The following C7orf57 variants were observed in gnomAD, a reference collection of about 807,000 sequenced individuals.
C7orf57 encodes chromosome 7 open reading frame 57.
C7orf57 carries 33 observed loss-of-function variants against 39.0 expected under a neutral mutation model. The observed-to-expected ratio is 0.85, with a 90% CI of 0.64 to 1.13. C7orf57 has a LOEUF of 1.13. Ranked by LOEUF, C7orf57 falls within the 50% of genes most tolerant of loss-of-function variation. C7orf57 has a pLI of 0.00. For missense variants in C7orf57, 346 were observed against 362.3 expected (o/e 0.95, Z 0.37); for synonymous variants, 124 against 137.1 (o/e 0.90, Z 0.67).
intron 6 of C7orf57, among the ~76,000 whole-genome samples, chr7:48,052,068 A>G (rs1309945303): frequency 6.7e-6 from 1 of 149,384 alleles, no homozygotes; most frequent in Non-Finnish European, 1.5e-5. Context: ...CCGCCTCCCA[A>G]GTTCAAGCAA....
chr7:48,042,342 ACT>A (rs1007643928), intron 3 of C7orf57, among the ~76,000 whole-genome samples: 1 of 152,148 alleles, frequency 6.6e-6, no homozygotes, highest in Non-Finnish European at 1.5e-5. Flanking sequence ...AAGGGGACAA[ACT>A]CTGAATGTCT....
Position 48,043,492 on chromosome 7 carries a change from C to T in C7orf57, c.253C>T (p.His85Tyr), listed in dbSNP as rs770591435. The T allele has an allele frequency of 3.1e-6, 5 of 1,613,532 alleles. No homozygotes were observed. The highest frequency in any genetic ancestry group is 4.2e-6 in the Non-Finnish European group (5 of 1,179,676). Residue 85 changes from histidine to tyrosine, a missense_variant, in exon 4 of 9, where the codon CAC becomes TAC. Coordinates refer to ENST00000348904, the MANE Select transcript of C7orf57 (RefSeq NM_001100159.3). ...KQGGRPDLLK[H>Y]FAPGTRKGSP... ...TTTTCTCTTTTGAGATTTGTTGAAG[C>T]ACTTTGCCCCTGGAACCAGGAAAGG... is the stretch of plus-strand genomic sequence containing the variant.
intron 5 of C7orf57, among the ~76,000 whole-genome samples, chr7:48,046,904 T>G (rs1790734819): frequency 6.6e-6 from 1 of 152,250 alleles, no homozygotes; most frequent in African/African-American, 2.4e-5. Context: ...GCACTTCTTA[T>G]CAGGCCAATA....
chr7:48,047,387 C>T (rs758086145), intron 5 of C7orf57, among the ~76,000 whole-genome samples: 2 of 152,182 alleles, frequency 1.3e-5, no homozygotes, highest in African/African-American at 2.4e-5. Flanking sequence ...GAGTGAACAC[C>T]GTTGTCACCT....
chr7:48,038,852 GTA>G (rs1790463697), intron 2 of C7orf57, among the ~76,000 whole-genome samples: 1 of 152,148 alleles, frequency 6.6e-6, no homozygotes, highest in South Asian at 2.1e-4. Context: ...ATAACTCCAA[GTA>G]TGTGTGTGTA....
At chr7:48,046,263 G>T (rs905415783) in intron 4 of C7orf57, among the ~76,000 whole-genome samples, 197 bp from the exon 5 acceptor site, 2 of 151,308 alleles carry the variant, frequency 1.3e-5, no homozygotes. Flanking sequence ...AAGAGGAAGA[G>T]GAAAAGAGAG....
chr7:48,047,858 G>A (rs112754153), intron 5 of C7orf57, among the ~76,000 whole-genome samples: 2,173 of 152,030 alleles, frequency 0.014, 60 homozygotes, highest in African/African-American at 0.05. Context: ...GCATACTACC[G>A]TAGACACTCA....
intron 3 of C7orf57, among the ~76,000 whole-genome samples, chr7:48,042,561 A>G (rs1190821411): frequency 3.3e-5 from 5 of 152,158 alleles, no homozygotes; most frequent in Non-Finnish European, 1.5e-5. Flanking sequence ...AAAGAGAGAA[A>G]ACATAAAGCA....
chr7:48,051,821 T>TTC (rs1790927988), intron 6 of C7orf57, among the ~76,000 whole-genome samples: 1 of 13,208 alleles, frequency 7.6e-5, no homozygotes, highest in Non-Finnish European at 1.5e-4. Context: ...TCTCTTCTCT[T>TTC]TCTTTCTTTC....
At chr7:48,058,776 A>G (rs979935075) in intron 8 of C7orf57, among the ~76,000 whole-genome samples, 1 of 152,182 alleles carries the variant, frequency 6.6e-6, no homozygotes, top group African/African-American at 2.4e-5. Context: ...TAAGGGTTTT[A>G]TTATTCTGCA....
At position 48,052,863 on chromosome 7, in the gene C7orf57, C is replaced by A; in HGVS notation, c.769C>A (p.Pro257Thr). ...TCAGTCCCCACGAGACCTGGAAGGT[C>A]CCCAGGATGCAGCCAGGCTCCAGGA... is the stretch of plus-strand genomic sequence containing the variant. ...LSQSPRDLEG[P>T]QDAARLQDAE... is the part of the protein sequence containing the mutation. Residue 257 changes from proline (P) to threonine (T), a missense_variant, in exon 7 of 9, where the codon CCC becomes ACC. Transcript: ENST00000348904. 1 of 1,613,978 alleles carries A rather than the reference C, an allele frequency of 6.2e-7. No individual in the cohort carries two copies. Among genetic ancestry groups the A allele is most frequent in the Middle Eastern group, 1.7e-4 (1 of 6,060 alleles).
intron 6 of C7orf57, among the ~76,000 whole-genome samples, chr7:48,051,879 C>CTT: frequency 3.4e-5 from 3 of 87,900 alleles, no homozygotes; most frequent in Non-Finnish European, 7.0e-5. Flanking sequence ...TTCTCTTTCT[C>CTT]TTTCTTTCTT....
Position 48,049,926 on chromosome 7 carries a change from C to G in C7orf57, c.554C>G (p.Thr185Ser). The G allele has an allele frequency of 6.2e-7, 1 of 1,613,696 alleles. No homozygotes were observed. Among genetic ancestry groups the G allele is most frequent in the Non-Finnish European group, 8.5e-7 (1 of 1,179,700 alleles). ...IDSKYLSKAGTPLGPKNPAGS... is the reference protein window; with the variant it reads ...IDSKYLSKAGSPLGPKNPAGS... ...TCAAAGTATCTGAGCAAAGCAGGCA[C>G]CCCACTTGGCCCTAAGAATCCTGCA... The change falls in exon 6 of 9, where the codon ACC (threonine) becomes AGC (serine). Residue 185 changes from threonine to serine, a missense_variant. By Grantham distance (58) the Thr-to-Ser change is moderately conservative (BLOSUM62 1). Coordinates refer to ENST00000348904, the MANE Select transcript of C7orf57 (RefSeq NM_001100159.3).
intron 2 of C7orf57, 97 bp from the exon 3 acceptor site, chr7:48,041,236 AC>A: frequency 8.7e-7 from 1 of 1,147,134 alleles, no homozygotes; most frequent in Admixed American, 2.6e-5. Context: ...GCACTGCCCC[AC>A]CTGATGGTGT....
At chr7:48,058,790 T>C (rs927150353) in intron 8 of C7orf57, among the ~76,000 whole-genome samples, 1 of 152,224 alleles carries the variant, frequency 6.6e-6, no homozygotes, top group Admixed American at 6.5e-5. Flanking sequence ...TTCTGCATTG[T>C]CTTAAGAAGA....
In C7orf57 at chr7:48,046,609, A is replaced by G. The variant is rs1464719523; in HGVS notation, c.500A>G (p.Lys167Arg). 4.3e-6 allele frequency: 7 copies of G among 1,612,342 alleles called. No individual in the cohort carries two copies. The highest frequency in any genetic ancestry group is 5.9e-6 in the Non-Finnish European group (7 of 1,179,144). The change falls in exon 5 of 9, where the codon AAA (lysine) becomes AGA (arginine). Residue 167 changes from lysine to arginine, a missense_variant. Lys to Arg is a conservative substitution (Grantham distance 26). Transcript: ENST00000348904. Reference sequence around the variant, plus strand: ...GAGGCTGAGGAACTTGAAAAGGAGAAAAAAAAGGTGACGGGAGCCCATAAA... The same window carrying G: ...GAGGCTGAGGAACTTGAAAAGGAGAGAAAAAAGGTGACGGGAGCCCATAAA... ...QREAEELEKE[K>R]KKLRLPAIDS...
intron 4 of C7orf57, among the ~76,000 whole-genome samples, chr7:48,045,156 G>A (rs904233959): frequency 3.0e-4 from 46 of 152,210 alleles, no homozygotes; most frequent in African/African-American, 1.0e-3. Flanking sequence ...CCTCTGGACC[G>A]CAGACCACCT....
Position 48,052,871 on chromosome 7 carries a change from T to A in C7orf57, c.777T>A (p.Asp259Glu), listed in dbSNP as rs10236656. The A allele has an allele frequency of 6.2e-7, 1 of 1,613,956 alleles. No individual in the cohort carries two copies. The highest frequency in any genetic ancestry group is 8.5e-7 in the Non-Finnish European group (1 of 1,179,858). The change falls in exon 7 of 9, where the codon GAT (aspartate) becomes GAA (glutamate). Residue 259 changes from aspartate (D) to glutamate (E), a missense_variant. Transcript: ENST00000348904. Reference sequence around the variant, plus strand: ...CACGAGACCTGGAAGGTCCCCAGGATGCAGCCAGGCTCCAGGATGCAGAGG... The same window carrying A: ...CACGAGACCTGGAAGGTCCCCAGGAAGCAGCCAGGCTCCAGGATGCAGAGG... ...QSPRDLEGPQ[D>E]AARLQDAEAS...
chr7:48,035,656 A>G lies in C7orf57; in HGVS notation c.-102+26A>G. 1.5e-6 allele frequency: 1 copy of G among 651,248 alleles called. No homozygotes were observed. Among genetic ancestry groups the G allele is most frequent in the Non-Finnish European group, 2.8e-6 (1 of 359,678 alleles). The allele number at this position is 651,248 out of a possible 1,614,324, so 40.3% of individuals were successfully genotyped here. A position where few individuals can be genotyped will look rare whatever the true frequency, so the allele number is the denominator to read the frequency against. On this transcript the variant is annotated intron_variant, in intron 1 of 8. Transcript: ENST00000348904. This position sits in a 1 kb window ranked among gnomAD's most constrained non-coding sequence, Gnocchi z 4.0. ...GTGAGCCTGAGCGGGCTGGAGGACAATGGGGGCGCCCACTGTGGTCCCGGG... is the reference window on the plus strand; with the variant it reads ...GTGAGCCTGAGCGGGCTGGAGGACAGTGGGGGCGCCCACTGTGGTCCCGGG...
Sources: gnomAD v4.1 joint callset for allele counts (sites outside exome capture counted in the v4.1 genomes callset) on GRCh38, gnomAD v4.1.1 for gene constraint, Gnocchi (gnomAD v3.1) non-coding constraint, MANE v1.5 for transcripts, NCBI Gene and HGNC (gene_info 2026-07-23, HGNC 2026-07-21) for gene names.